GPATCH8: variants seen among roughly 807,000 people sequenced by gnomAD.
The protein encoded by GPATCH8 is G-patch domain containing 8, also known as G patch domain-containing protein 8.
GPATCH8 carries 18 observed loss-of-function variants against 118.3 expected under a neutral mutation model. The observed-to-expected ratio is 0.15, with a 90% CI of 0.11 to 0.23. The LOEUF is 0.23. GPATCH8 is among the 10% of genes least tolerant of loss of function. GPATCH8 has a pLI of 1.00. For missense variants in GPATCH8, 1,631 were observed against 1,873.8 expected, an observed-to-expected ratio of 0.87 and a Z score of 2.39; for synonymous variants, 659 against 684.7, an observed-to-expected ratio of 0.96 and a Z score of 0.59.
chr17:44,395,627 G>A lies in GPATCH8; in HGVS notation c.*1941C>T, dbSNP rs1313688496. 2.2e-6 allele frequency: 1 copy of A among 454,222 alleles called. No homozygotes were observed. Among genetic ancestry groups the A allele is most frequent in the African/African-American group, 2.0e-5 (1 of 50,122 alleles). The allele number at this position is 454,222 out of a possible 1,614,324, so 28.1% of individuals were successfully genotyped here. ...TAGTTATCCAAGAAGTGATGCTTCTGAATCAGATGAGTACTGAACAGGTAG... is the reference window on the plus strand; with the variant it reads ...TAGTTATCCAAGAAGTGATGCTTCTAAATCAGATGAGTACTGAACAGGTAG... On this transcript the variant is annotated 3_prime_UTR_variant, in exon 8 of 8. Coordinates refer to ENST00000591680, the MANE Select transcript of GPATCH8 (RefSeq NM_001002909.4).
At chr17:44,444,206 C>A (rs1325779481) in intron 3 of GPATCH8, among the ~76,000 whole-genome samples, 1 of 150,944 alleles carries the variant, frequency 6.6e-6, no homozygotes, top group Non-Finnish European at 1.5e-5. Flanking sequence ...ATGATATCCT[C>A]AAGCCCTTAG....
chr17:44,484,398 T>C (rs960142166), intron 1 of GPATCH8, among the ~76,000 whole-genome samples: 2 of 152,220 alleles, frequency 1.3e-5, no homozygotes, highest in African/African-American at 4.8e-5. Context: ...ATGAAACTTT[T>C]TAAAGCTTAA....
intron 1 of GPATCH8, among the ~76,000 whole-genome samples, chr17:44,493,059 T>TTTTTTTTG (rs992263953): frequency 2.0e-5 from 3 of 149,080 alleles, no homozygotes; most frequent in East Asian, 2.0e-4. Context: ...ATTAGGTTTT[T>TTTTTTTTG]TTTTTTTTTT....
At chr17:44,434,116 T>C (rs1231989763) in intron 5 of GPATCH8, among the ~76,000 whole-genome samples, 1 of 151,462 alleles carries the variant, frequency 6.6e-6, no homozygotes, top group Admixed American at 6.6e-5. Context: ...GGCAACAGAG[T>C]GAGACTCAGT....
intron 5 of GPATCH8, among the ~76,000 whole-genome samples, chr17:44,424,788 G>T (rs1004804137): frequency 6.6e-6 from 1 of 152,128 alleles, no homozygotes; most frequent in Admixed American, 6.6e-5. Context: ...AAACACCTTT[G>T]GTCTCAAGCA....
Position 44,396,371 on chromosome 17 carries a change from T to A in GPATCH8, c.*1197A>T. ...TGAGGGAGACTGTTAAAGATGAGCA[T>A]CCCTCAGAAGCCCCCAGCTGACTGC... On this transcript the variant is annotated 3_prime_UTR_variant, in exon 8 of 8. Coordinates refer to ENST00000591680, the MANE Select transcript of GPATCH8 (RefSeq NM_001002909.4). 2.2e-6 allele frequency: 1 copy of A among 454,458 alleles called. No individual in the cohort carries two copies. The highest frequency in any genetic ancestry group is 4.4e-6 in the Non-Finnish European group (1 of 226,792). 28.2% of individuals were successfully genotyped at this position (454,458 alleles called of 1,614,324 possible). A position where few individuals can be genotyped will look rare whatever the true frequency, so the allele number is the denominator to read the frequency against.
intron 1 of GPATCH8, chr17:44,486,046 T>A (rs1297698201): frequency 2.0e-5 from 3 of 152,154 alleles, no homozygotes; most frequent in Admixed American, 6.6e-5. Flanking sequence ...AGGCATGTAT[T>A]AGCACACCTG....
At chr17:44,419,386 A>T (rs1349812271) in intron 6 of GPATCH8, among the ~76,000 whole-genome samples, 1 of 152,194 alleles carries the variant, frequency 6.6e-6, no homozygotes, top group Admixed American at 6.5e-5. Flanking sequence ...TTTGTATGTT[A>T]AGTTCATGTC....
At chr17:44,464,743 G>A (rs2051692948) in intron 2 of GPATCH8, 199 bp from the exon 3 acceptor site, 2 of 578,204 alleles carry the variant, frequency 3.5e-6, no homozygotes, top group Non-Finnish European at 6.2e-6. Flanking sequence ...TACATGGGAA[G>A]AACATATGGG....
At chr17:44,437,236 G>C (rs1156390929) in intron 3 of GPATCH8, among the ~76,000 whole-genome samples, 1 of 152,028 alleles carries the variant, frequency 6.6e-6, no homozygotes, top group Non-Finnish European at 1.5e-5. Flanking sequence ...TGGCTGCGAG[G>C]GTAACTGGTA....
At chr17:44,469,525 T>C (rs1050424805) in intron 2 of GPATCH8, among the ~76,000 whole-genome samples, 2 of 152,258 alleles carry the variant, frequency 1.3e-5, no homozygotes, top group South Asian at 2.1e-4. Context: ...GGTATGTCCA[T>C]GACTGGATGA....
chr17:44,469,114 T>A (rs1263695934), intron 2 of GPATCH8, among the ~76,000 whole-genome samples: 15 of 152,182 alleles, frequency 9.9e-5, no homozygotes, highest in Admixed American at 9.8e-4. Flanking sequence ...CATAAATATA[T>A]CATTAAAATG....
chr17:44,460,672 C>T (rs2051510560), intron 3 of GPATCH8, among the ~76,000 whole-genome samples: 1 of 152,122 alleles, frequency 6.6e-6, no homozygotes, highest in African/African-American at 2.4e-5. Flanking sequence ...TGTTAAGAGT[C>T]CTAAACTCAA....
chr17:44,503,252 T>C, intron 1 of GPATCH8, 74 bp downstream of exon 1: 6 of 1,317,116 alleles, frequency 4.6e-6, no homozygotes, highest in Non-Finnish European at 5.4e-6. Flanking sequence ...GAAAGAGGGC[T>C]GGGAGCCGGA....
chr17:44,406,129 C>A, intron 6 of GPATCH8, 78 bp from the exon 7 acceptor site: 1 of 1,019,078 alleles, frequency 9.8e-7, no homozygotes. Flanking sequence ...GCCTTTAGGA[C>A]ATGACCCTCA....
At chr17:44,468,709 T>G (rs1967023829) in intron 2 of GPATCH8, among the ~76,000 whole-genome samples, 2 of 152,096 alleles carry the variant, frequency 1.3e-5, no homozygotes, top group Admixed American at 1.3e-4. Context: ...GAACCAAAAA[T>G]AAATTACAGA....
chr17:44,448,524 GGAA>G (rs1280027572), intron 3 of GPATCH8, among the ~76,000 whole-genome samples: 81 of 127,184 alleles, frequency 6.4e-4, no homozygotes, highest in African/African-American at 1.7e-3. Context: ...GGAAGAAGGA[GGAA>G]GAAGAAGAAG....
At chr17:44,452,332 T>TG (rs1409474176) in intron 3 of GPATCH8, among the ~76,000 whole-genome samples, 2 of 150,964 alleles carry the variant, frequency 1.3e-5, no homozygotes, top group Non-Finnish European at 2.9e-5. Flanking sequence ...AAAGATCTTT[T>TG]GGTAAAATGC....
At chr17:44,416,105 C>T (rs1011334156) in intron 6 of GPATCH8, among the ~76,000 whole-genome samples, 1 of 152,150 alleles carries the variant, frequency 6.6e-6, no homozygotes, top group Admixed American at 6.5e-5. Flanking sequence ...TGGGTTCAAG[C>T]GATCCTCCTG....
Sources: gnomAD v4.1 joint callset for allele counts (sites outside exome capture counted in the v4.1 genomes callset) on GRCh38, gnomAD v4.1.1 for gene constraint, MANE v1.5 for transcripts, NCBI Gene and HGNC (gene_info 2026-07-23, HGNC 2026-07-21) for gene names.